The following GPC4 variants were observed in gnomAD, a reference collection of about 807,000 sequenced individuals.
The protein encoded by GPC4 is glypican 4.
In GPC4, 10 loss-of-function variants were observed where a neutral mutation model predicts 35.0. The ratio of observed to expected loss-of-function variants is 0.29; its 90% CI spans 0.18 to 0.48. The LOEUF (loss-of-function observed/expected upper bound fraction) is 0.48, where lower values mean the gene tolerates loss of function less well. Ranked by LOEUF, GPC4 falls within the 20% of genes least tolerant of loss-of-function variation. The pLI, the probability that GPC4 is intolerant of heterozygous loss-of-function variation, is 0.99. For missense variants in GPC4, 322 were observed against 451.3 expected, an observed-to-expected ratio of 0.71 and a Z score of 2.60; for synonymous variants, 167 against 170.2, an observed-to-expected ratio of 0.98 and a Z score of 0.15.
At chrX:133,344,052 T>G (rs1036676039) in intron 1 of GPC4, among the ~76,000 whole-genome samples, 1 of 109,538 alleles carries the variant, frequency 9.1e-6, no homozygotes, top group African/African-American at 3.3e-5. Flanking sequence ...GTTCGTTTAT[T>G]TTCAGTTGCT....
intron 3 of GPC4, among the ~76,000 whole-genome samples, chrX:133,315,749 T>C (rs1266702463): frequency 8.9e-6 from 1 of 111,740 alleles, no homozygotes; most frequent in African/African-American, 3.3e-5. Context: ...TTCAATTTGA[T>C]TGCTACCTTG....
intron 1 of GPC4, among the ~76,000 whole-genome samples, chrX:133,384,363 TA>T (rs111481868): frequency 5.2e-4 from 54 of 103,347 alleles, no homozygotes; most frequent in African/African-American, 4.5e-4. Context: ...AGTCATTTCT[TA>T]AAAAAAAAAA....
chrX:133,339,315 C>T lies in GPC4; in HGVS notation c.187G>A (p.Gly63Ser), dbSNP rs2068456606. The T allele has an allele frequency of 1.7e-6, 2 of 1,208,199 alleles. No homozygotes were observed. Among genetic ancestry groups the T allele is most frequent in the African/African-American group, 3.5e-5 (2 of 57,027 alleles). Residue 63 changes from glycine (G) to serine (S), a missense_variant, in exon 2 of 9, where the codon GGT becomes AGT. Coordinates refer to ENST00000370828, the MANE Select transcript of GPC4 (RefSeq NM_001448.3). ...NGDHLKICPQ[G>S]STCCSQEMEE... is the part of the protein sequence containing the mutation. Reference sequence around the variant, plus strand: ...ATCTCTTGAGAGCAGCAGGTAGAACCCTGGGGACAGATCTTCAAATGATCA... The same window carrying T: ...ATCTCTTGAGAGCAGCAGGTAGAACTCTGGGGACAGATCTTCAAATGATCA...
chrX:133,385,699 C>T (rs1021544575), intron 1 of GPC4, among the ~76,000 whole-genome samples: 2 of 111,668 alleles, frequency 1.8e-5, no homozygotes. Flanking sequence ...TTCCTGGCCC[C>T]AAGCTTAACC....
chrX:133,407,421 C>CA (rs773046122), intron 1 of GPC4, among the ~76,000 whole-genome samples: 79 of 111,793 alleles, frequency 7.1e-4, no homozygotes, highest in African/African-American at 2.2e-3. Context: ...CCACCTATCT[C>CA]AAAGTAAATA....
At chrX:133,355,894 C>CA (rs762804452) in intron 1 of GPC4, among the ~76,000 whole-genome samples, 10 of 111,625 alleles carry the variant, frequency 9.0e-5, no homozygotes, top group Non-Finnish European at 1.3e-4. Context: ...GACATGCTGT[C>CA]TCCTACTTTC....
At chrX:133,393,283 C>A (rs761583927) in intron 1 of GPC4, among the ~76,000 whole-genome samples, 61 of 110,806 alleles carry the variant, frequency 5.5e-4, no homozygotes, top group South Asian at 1.6e-3. Flanking sequence ...TGTGGGAAAC[C>A]CTCTTCCAAT....
At chrX:133,382,747 A>T (rs1281169175) in intron 1 of GPC4, among the ~76,000 whole-genome samples, 1 of 112,778 alleles carries the variant, frequency 8.9e-6, no homozygotes, top group Non-Finnish European at 1.9e-5. Flanking sequence ...ACAAACAAAC[A>T]AACAAACAAA....
At chrX:133,315,930 T>C (rs34914031) in intron 3 of GPC4, among the ~76,000 whole-genome samples, 41,065 of 110,542 alleles carry the variant, frequency 0.37, 6,450 homozygotes, top group African/African-American at 0.6. Flanking sequence ...CTTAATGATT[T>C]AATAGTTATT....
Position 133,404,240 on chromosome X carries a change from A to G in GPC4, c.160+10566T>C, listed in dbSNP as rs1057208247. Among the ~76,000 whole-genome samples the G allele has an allele frequency of 6.3e-5, 7 of 110,926 alleles. No individual in the cohort carries two copies. The South Asian group carries it at 2.7e-3, about 44-fold the overall frequency. ...ACTAAGTTGAACCTAGATGTTCTAG[A>G]GGGCTTTCAAAAGAAGGTGCAGAGG... On this transcript the variant is annotated intron_variant, in intron 1 of 8. Transcript: ENST00000370828.
intron 2 of GPC4, among the ~76,000 whole-genome samples, chrX:133,328,849 T>G (rs1321166727): frequency 8.9e-6 from 1 of 111,859 alleles, no homozygotes; most frequent in African/African-American, 3.2e-5. Context: ...AGCAATTGCT[T>G]GTATTCATGT....
rs1223158276 is a variant in GPC4, at chrX:133,331,187, T to C, written c.320-6651A>G. ...TGATGGCCCCCATCTTTGGCTAATGTGGCCAGGGACACAGGCTCAGTATTG... is the reference window on the plus strand; with the variant it reads ...TGATGGCCCCCATCTTTGGCTAATGCGGCCAGGGACACAGGCTCAGTATTG... On this transcript the variant is annotated intron_variant, in intron 2 of 8. Coordinates refer to ENST00000370828, the MANE Select transcript of GPC4 (RefSeq NM_001448.3). Among the ~76,000 whole-genome samples, 3 of 111,841 alleles carry C rather than the reference T, an allele frequency of 2.7e-5. No homozygotes were observed. The East Asian group carries it at 8.5e-4, about 32-fold the overall frequency.
Position 133,415,064 on chromosome X carries a change from T to C in GPC4, c.-99A>G. 3.5e-6 allele frequency: 3 copies of C among 854,458 alleles called. No homozygotes were observed. The Admixed American group carries it at 9.1e-5, about 26-fold the overall frequency. 70.4% of individuals were successfully genotyped at this position (854,458 alleles called of 1,213,427 possible). On this transcript the variant is annotated 5_prime_UTR_variant, in exon 1 of 9. Coordinates refer to ENST00000370828, the MANE Select transcript of GPC4 (RefSeq NM_001448.3). ...GCTGGCGGAGTCGGGGACTAGCGAG[T>C]GGAGCTGGAGGGAGAAGGAGTTGGA...
At chrX:133,363,496 G>A (rs1252752835) in intron 1 of GPC4, among the ~76,000 whole-genome samples, 4 of 111,231 alleles carry the variant, frequency 3.6e-5, no homozygotes, top group South Asian at 3.9e-4. Flanking sequence ...TGATCAGGAC[G>A]AGAACCCTGG....
At chrX:133,388,806 A>T (rs2068705325) in intron 1 of GPC4, among the ~76,000 whole-genome samples, 1 of 108,678 alleles carries the variant, frequency 9.2e-6, no homozygotes, top group African/African-American at 3.4e-5. Flanking sequence ...CCAGCCAGCC[A>T]ACTCTTTTTA....
At chrX:133,332,777 T>C (rs2068426455) in intron 2 of GPC4, among the ~76,000 whole-genome samples, 1 of 112,354 alleles carries the variant, frequency 8.9e-6, no homozygotes, top group African/African-American at 3.2e-5. Flanking sequence ...GCATGCAAGC[T>C]TATTTCCAAT....
At chrX:133,338,515 C>T (rs961053845) in intron 2 of GPC4, among the ~76,000 whole-genome samples, 1 of 111,829 alleles carries the variant, frequency 8.9e-6, no homozygotes, top group Non-Finnish European at 1.9e-5. Context: ...TCAATTGGCT[C>T]ATATTGGCTA....
At chrX:133,308,029 C>T (rs937789907) in intron 4 of GPC4, among the ~76,000 whole-genome samples, 4 of 111,907 alleles carry the variant, frequency 3.6e-5, no homozygotes, top group Admixed American at 1.9e-4. Context: ...TTGTGTGTTG[C>T]GCAGCTGAAG....
At chrX:133,376,036 T>C (rs2068631481) in intron 1 of GPC4, among the ~76,000 whole-genome samples, 1 of 112,153 alleles carries the variant, frequency 8.9e-6, no homozygotes, top group Admixed American at 9.4e-5. Context: ...AGCCGTCCTA[T>C]AGCCAAGTCT....
Sources: gnomAD v4.1 joint callset for allele counts (sites outside exome capture counted in the v4.1 genomes callset) on GRCh38, gnomAD v4.1.1 for gene constraint, MANE v1.5 for transcripts, NCBI Gene and HGNC (gene_info 2026-07-23, HGNC 2026-07-21) for gene names.